The following SRSF5 variants were observed in gnomAD, a reference collection of about 807,000 sequenced individuals.
The protein encoded by SRSF5 is serine and arginine rich splicing factor 5.
In SRSF5, 5 loss-of-function variants were observed where a neutral mutation model predicts 34.0. That is an observed-to-expected ratio of 0.15 (90% CI 0.08 to 0.31). The LOEUF (loss-of-function observed/expected upper bound fraction) is 0.31, where lower values mean the gene tolerates loss of function less well. Among genes scored for constraint, SRSF5 ranks in the 10% least tolerant of loss-of-function variants. The pLI is 1.00. For synonymous variants in SRSF5, 164 were observed against 117.7 expected (o/e 1.39, Z -2.55); for missense variants, 223 against 351.4 (o/e 0.63, Z 2.92).
Position 69,769,318 on chromosome 14 carries a change from G to C in SRSF5, c.366+67G>C. ...TTAAAAAAGTTAATGGGTAGCTAAT[G>C]TTGTATTGTTTTATTAAAAGTAGTT... On this transcript the variant is annotated intron_variant, in intron 5 of 7. Coordinates refer to ENST00000557154, the MANE Select transcript of SRSF5 (RefSeq NM_001320214.2). 2.5e-6 allele frequency: 4 copies of C among 1,590,290 alleles called. No homozygotes were observed. The South Asian group carries it at 4.6e-5, about 18-fold the overall frequency.
chr14:69,769,635 C>T, intron 5 of SRSF5: 1 of 1,533,578 alleles, frequency 6.5e-7, no homozygotes, highest in Non-Finnish European at 8.7e-7. Context: ...AGTTGGCCAC[C>T]TCTAGATCTG....
chr14:69,767,572 C>T (rs748183686), intron 1 of SRSF5: 2 of 455,750 alleles, frequency 4.4e-6, no homozygotes, highest in Admixed American at 2.3e-5. Context: ...GCGGCTGGGC[C>T]TTTTGTAGGG....
At chr14:69,767,352 T>C (rs1006357821) in intron 1 of SRSF5, 97 bp downstream of exon 1, 7 of 455,670 alleles carry the variant, frequency 1.5e-5, no homozygotes, top group Middle Eastern at 3.3e-4. Context: ...TTGCGGAGGA[T>C]GGCGTCTAAT....
intron 4 of SRSF5, 65 bp from the exon 5 acceptor site, chr14:69,769,117 C>G: frequency 6.3e-7 from 1 of 1,584,606 alleles, no homozygotes; most frequent in Non-Finnish European, 8.7e-7. Context: ...TTGAACTTGC[C>G]CACAGTTGAA....
At chr14:69,768,303 G>C (rs754869464) in intron 2 of SRSF5, 21 bp downstream of exon 2, 59 of 1,613,614 alleles carry the variant, frequency 3.7e-5, no homozygotes, top group Admixed American at 1.0e-4. Flanking sequence ...AGAACTGGGT[G>C]AATTATCTGC....
At chr14:69,769,118 C>A in intron 4 of SRSF5, 64 bp from the exon 5 acceptor site, 1 of 1,586,506 alleles carries the variant, frequency 6.3e-7, no homozygotes, top group Non-Finnish European at 8.7e-7. Flanking sequence ...TGAACTTGCC[C>A]ACAGTTGAAC....
At chr14:69,770,668 C>A in intron 6 of SRSF5, 128 bp downstream of exon 6, 1 of 835,380 alleles carries the variant, frequency 1.2e-6, no homozygotes. Flanking sequence ...TTGCTGCTTC[C>A]CTCCTCCCCC....
At chr14:69,768,079 A>T in intron 1 of SRSF5, 59 bp from the exon 2 acceptor site, 1 of 1,577,748 alleles carries the variant, frequency 6.3e-7, no homozygotes, top group South Asian at 1.1e-5. Flanking sequence ...TGATTGTTTA[A>T]TCAGGCGTTT....
intron 2 of SRSF5, 126 bp from the exon 3 acceptor site, chr14:69,768,478 A>G: frequency 8.3e-7 from 1 of 1,206,382 alleles, no homozygotes; most frequent in Admixed American, 2.0e-5. Context: ...CTCCTTGATT[A>G]GGTTTGACTG....
In SRSF5 at chr14:69,771,300, A is replaced by G. The variant is rs375993522; in HGVS notation, c.658A>G (p.Arg220Gly). 6.2e-7 allele frequency: 1 copy of G among 1,614,008 alleles called. No homozygotes were observed. The highest frequency in any genetic ancestry group is 8.5e-7 in the Non-Finnish European group (1 of 1,180,012). ...TTACAGCCGGTCAAGAAGCAGGAGC[A>G]GGAGCCGGAGCCGGAGCAAGTCCCG... ...KSYSRSRSRS[R>G]SRSRSKSRSV... The change falls in exon 8 of 8, where the codon AGG becomes GGG. Residue 220 changes from arginine to glycine, a missense_variant. Transcript: ENST00000557154.
intron 5 of SRSF5, 196 bp downstream of exon 5, chr14:69,769,447 G>C: frequency 6.5e-7 from 1 of 1,531,490 alleles, no homozygotes; most frequent in Non-Finnish European, 8.7e-7. Context: ...TAAATGTTTT[G>C]AGGATATTTT....
intron 1 of SRSF5, 125 bp downstream of exon 1, chr14:69,767,380 G>C (rs772133711): frequency 4.4e-6 from 2 of 455,910 alleles, no homozygotes; most frequent in African/African-American, 4.0e-5. Flanking sequence ...GTTGATTCGA[G>C]GTGGGCGCTG....
Position 69,771,098 on chromosome 14 carries a change from A to G in SRSF5, c.544A>G (p.Arg182Gly). The change falls in exon 7 of 8, where the codon AGG becomes GGG. Residue 182 changes from arginine to glycine, a missense_variant. This residue lies in a region of SRSF5 where 37 missense variants were observed against 96.7 expected (regional missense o/e 0.38). Coordinates refer to ENST00000557154, the MANE Select transcript of SRSF5 (RefSeq NM_001320214.2). ...AATAAAATTAATTGAAGGCAGCAAA[A>G]GGCACAGGTATCTCTAATTTTTTAA... Reference protein sequence around the residue: ...RKIKLIEGSKRHSRSRSRSRS... With the variant: ...RKIKLIEGSKGHSRSRSRSRS... The G allele has an allele frequency of 1.9e-6, 3 of 1,613,594 alleles. No homozygotes were observed. The highest frequency in any genetic ancestry group is 2.5e-6 in the Non-Finnish European group (3 of 1,179,856).
At chr14:69,769,498 C>T in intron 5 of SRSF5, 1 of 1,535,300 alleles carries the variant, frequency 6.5e-7, no homozygotes, top group Non-Finnish European at 8.7e-7. Flanking sequence ...ATATTAAACC[C>T]TTTATTTGCC....
At chr14:69,769,998 A>G (rs1883011392) in intron 5 of SRSF5, 4 of 1,034,578 alleles carry the variant, frequency 3.9e-6, no homozygotes, top group South Asian at 3.9e-5. Context: ...TCTCCGACCG[A>G]TTAATGGTTT....
chr14:69,770,940 A>G (rs1883130216), intron 6 of SRSF5, 55 bp from the exon 7 acceptor site: 1 of 1,446,482 alleles, frequency 6.9e-7, no homozygotes. Context: ...TGCTGTGTGC[A>G]ATGTGTGAGA....
At position 69,770,629 on chromosome 14, in the gene SRSF5, T is replaced by G; in HGVS notation, c.440+89T>G. ...TTGAGGACTTAAAATTTGAATATGT[T>G]AGAATGCAGAGATTCTCCAGAGACA... is the stretch of plus-strand genomic sequence containing the variant. On this transcript the variant is annotated intron_variant, in intron 6 of 7. Transcript: ENST00000557154. 4 of 1,200,014 alleles carry G rather than the reference T, an allele frequency of 3.3e-6. 1 individual carries two copies. The South Asian group carries it at 5.2e-5, about 15-fold the overall frequency. The allele number at this position is 1,200,014 out of a possible 1,614,324, so 74.3% of individuals were successfully genotyped here.
At chr14:69,769,653 C>T (rs1056295594) in intron 5 of SRSF5, 97 of 1,521,976 alleles carry the variant, frequency 6.4e-5, no homozygotes, top group Middle Eastern at 1.7e-4. Context: ...CTGTGTTTGC[C>T]GGTCTAGACG....
At chr14:69,769,866 C>T in intron 5 of SRSF5, 1 of 1,225,890 alleles carries the variant, frequency 8.2e-7, no homozygotes, top group African/African-American at 1.6e-5. Context: ...TCGAGTAGAA[C>T]ATGTCTGCAT....
Sources: gnomAD v4.1 joint callset for allele counts on GRCh38, gnomAD v4.1.1 for gene constraint, gnomAD v4.1.1 regional missense constraint, MANE v1.5 for transcripts, NCBI Gene and HGNC (gene_info 2026-07-23, HGNC 2026-07-21) for gene names.